SH3KBP1: variants seen among roughly 807,000 people sequenced by gnomAD.
SH3KBP1 encodes SH3 domain-containing kinase-binding protein 1.
Under a neutral mutation model 50.1 loss-of-function variants are expected in SH3KBP1, and 8 were observed. The ratio of observed to expected loss-of-function variants is 0.16; its 90% CI spans 0.09 to 0.29. The LOEUF (loss-of-function observed/expected upper bound fraction) is 0.29. SH3KBP1 is among the 10% of genes least tolerant of loss of function. The pLI is 1.00. For missense variants in SH3KBP1, 377 were observed against 535.2 expected (o/e 0.70, Z 2.92); for synonymous variants, 227 against 218.6 (o/e 1.04, Z -0.34).
intron 6 of SH3KBP1, among the ~76,000 whole-genome samples, chrX:19,681,084 T>A (rs2063039134): frequency 9.0e-6 from 1 of 111,542 alleles, no homozygotes; most frequent in East Asian, 2.8e-4. Flanking sequence ...TGCATCCAGG[T>A]TGAGCATCCC....
rs573858134 is a variant in SH3KBP1, at chrX:19,666,250, G to A, written c.726+17573C>T. 6.3e-5 allele frequency among the ~76,000 whole-genome samples: 7 copies of A among 110,623 alleles called. No individual in the cohort carries two copies. The East Asian group carries it at 8.5e-4, about 13-fold the overall frequency. On this transcript the variant is annotated intron_variant, in intron 6 of 17. Transcript: ENST00000397821. ...TACGTAAGATGAATAAGATACCATC[G>A]CTTAGAATTATTAATAACAGTTGCA...
chrX:19,643,203 G>T (rs962141865), intron 7 of SH3KBP1, among the ~76,000 whole-genome samples: 11 of 109,964 alleles, frequency 1.0e-4, no homozygotes, highest in African/African-American at 3.3e-4. Flanking sequence ...GCTTCTTAGG[G>T]GTCTGGGGTG....
intron 3 of SH3KBP1, among the ~76,000 whole-genome samples, chrX:19,709,694 T>C (rs776595170): frequency 5.7e-4 from 64 of 112,178 alleles, no homozygotes; most frequent in Middle Eastern, 4.6e-3. Context: ...GGAATGCTGC[T>C]TTTCGAGGCC....
At chrX:19,652,720 C>A (rs1412011474) in intron 6 of SH3KBP1, among the ~76,000 whole-genome samples, 1 of 112,185 alleles carries the variant, frequency 8.9e-6, no homozygotes, top group Non-Finnish European at 1.9e-5. Context: ...AGAATTCCTA[C>A]TTCTTGTGAC....
intron 6 of SH3KBP1, among the ~76,000 whole-genome samples, chrX:19,658,837 G>A (rs996803931): frequency 7.2e-5 from 8 of 111,295 alleles, no homozygotes; most frequent in East Asian, 2.8e-4. Flanking sequence ...GATTACAGGC[G>A]TGAGCCACCA....
rs60032683 is a variant in SH3KBP1, at chrX:19,732,596, T to TACACACAC, written c.286+13714_286+13721dup. ...ATTCCTTAATTTGGATAAAAATCCC[T>TACACACAC]ACACACACACACACACACACACACA... On this transcript the variant is annotated intron_variant, in intron 3 of 17. Coordinates refer to ENST00000397821, the MANE Select transcript of SH3KBP1 (RefSeq NM_031892.3). Among the ~76,000 whole-genome samples the TACACACAC allele has an allele frequency of 3.4e-3, 307 of 90,747 alleles. 1 individual carries two copies. The highest frequency in any genetic ancestry group is 0.011 in the African/African-American group (275 of 24,719). 78.8% of individuals were successfully genotyped at this position (90,747 alleles called of 115,157 possible). A position where few individuals can be genotyped will look rare whatever the true frequency, so the allele number is the denominator to read the frequency against.
intron 5 of SH3KBP1, among the ~76,000 whole-genome samples, chrX:19,689,450 T>C (rs2063236227): frequency 8.9e-6 from 1 of 112,256 alleles, no homozygotes; most frequent in Non-Finnish European, 1.9e-5. Context: ...AAAACTTCCA[T>C]GTGTTCTTCC....
intron 6 of SH3KBP1, among the ~76,000 whole-genome samples, chrX:19,659,945 T>C (rs1406766643): frequency 8.9e-6 from 1 of 112,947 alleles, no homozygotes; most frequent in Non-Finnish European, 1.9e-5. Flanking sequence ...TATCTACCCA[T>C]GTGCCTTGCA....
At chrX:19,589,137 A>ACTTC (rs1166309075) in intron 11 of SH3KBP1, among the ~76,000 whole-genome samples, 1 of 112,573 alleles carries the variant, frequency 8.9e-6, no homozygotes, top group Admixed American at 9.3e-5. Flanking sequence ...TCAAAGGCAG[A>ACTTC]CTTCCTTCCT....
At chrX:19,648,025 T>C (rs1457372537) in intron 6 of SH3KBP1, 2 of 375,027 alleles carry the variant, frequency 5.3e-6, no homozygotes, top group Middle Eastern at 4.3e-4. Flanking sequence ...CATACCTAGA[T>C]AAATTATGAA....
At chrX:19,612,683 C>T (rs1264326217) in intron 8 of SH3KBP1, among the ~76,000 whole-genome samples, 1 of 112,011 alleles carries the variant, frequency 8.9e-6, no homozygotes, top group Non-Finnish European at 1.9e-5. Flanking sequence ...ATGTGCAGGA[C>T]AGGAGATGAA....
intron 10 of SH3KBP1, among the ~76,000 whole-genome samples, chrX:19,593,363 T>C (rs1374248959): frequency 8.9e-6 from 1 of 111,795 alleles, no homozygotes; most frequent in Non-Finnish European, 1.9e-5. Context: ...TTAATTCCTC[T>C]TAATGACTCA....
intron 1 of SH3KBP1, among the ~76,000 whole-genome samples, chrX:19,860,505 T>C (rs1194538615): frequency 9.0e-6 from 1 of 111,518 alleles, no homozygotes; most frequent in East Asian, 2.8e-4. Context: ...GTACAGAGTT[T>C]CTGTTTAAGA....
intron 16 of SH3KBP1, among the ~76,000 whole-genome samples, chrX:19,540,876 C>G (rs1569261933): frequency 9.0e-6 from 1 of 111,304 alleles, no homozygotes; most frequent in Non-Finnish European, 1.9e-5. Context: ...TAACTGATCC[C>G]TAAACTCCTC....
At chrX:19,638,378 C>A (rs1212039162) in intron 7 of SH3KBP1, among the ~76,000 whole-genome samples, 7 of 100,195 alleles carry the variant, frequency 7.0e-5, no homozygotes, top group African/African-American at 2.8e-4. Context: ...CCACTGCAGT[C>A]CAGCCTGGGC....
At chrX:19,838,192 A>T (rs1482163167) in intron 1 of SH3KBP1, among the ~76,000 whole-genome samples, 1 of 112,446 alleles carries the variant, frequency 8.9e-6, no homozygotes, top group Non-Finnish European at 1.9e-5. Flanking sequence ...TTTTAACTTT[A>T]AAAAAGTAAT....
chrX:19,698,804 G>A (rs982041256), intron 4 of SH3KBP1, among the ~76,000 whole-genome samples: 10 of 111,942 alleles, frequency 8.9e-5, no homozygotes, highest in Non-Finnish European at 1.5e-4. Context: ...GTGTAAAGAC[G>A]AGGACACGGA....
At chrX:19,555,931 C>T (rs1280885876) in intron 13 of SH3KBP1, among the ~76,000 whole-genome samples, 1 of 111,955 alleles carries the variant, frequency 8.9e-6, no homozygotes, top group East Asian at 2.8e-4. Context: ...ATTTAGTGCC[C>T]TGTACTGACA....
chrX:19,592,044 C>T, intron 11 of SH3KBP1, 23 bp downstream of exon 11: 1 of 1,133,339 alleles, frequency 8.8e-7, no homozygotes, highest in Non-Finnish European at 1.2e-6. Context: ...TCTGGAAGTG[C>T]CAATGAAGAA....
Sources: allele counts gnomAD v4.1 joint callset (sites outside exome capture counted in the v4.1 genomes callset), GRCh38; gene constraint gnomAD v4.1.1; transcripts MANE v1.5; gene names NCBI Gene and HGNC (gene_info 2026-07-23, HGNC 2026-07-21).